The following MAML3 variants were observed in gnomAD, a reference collection of about 807,000 sequenced individuals.
MAML3 encodes the protein mastermind like transcriptional coactivator 3.
MAML3 carries 27 observed loss-of-function variants against 101.9 expected under a neutral mutation model. The observed-to-expected ratio is 0.27, with a 90% CI of 0.20 to 0.37. The LOEUF (loss-of-function observed/expected upper bound fraction) is 0.37. Among genes scored for constraint, MAML3 ranks in the 10% least tolerant of loss-of-function variants. The pLI is 1.00. For synonymous variants in MAML3, 501 were observed against 555.9 expected, an observed-to-expected ratio of 0.90 and a Z score of 1.39; for missense variants, 1,316 against 1,444.9, an observed-to-expected ratio of 0.91 and a Z score of 1.45.
At chr4:139,921,584 G>A (rs1016645425) in intron 1 of MAML3, among the ~76,000 whole-genome samples, 2 of 152,110 alleles carry the variant, frequency 1.3e-5, no homozygotes, top group African/African-American at 4.8e-5. Flanking sequence ...AACATAATGA[G>A]ATATTAATGA....
intron 1 of MAML3, among the ~76,000 whole-genome samples, chr4:139,979,442 T>A (rs1432604161): frequency 6.6e-6 from 1 of 152,304 alleles, no homozygotes; most frequent in Non-Finnish European, 1.5e-5. Context: ...GCTCCTTCTA[T>A]ACTGTCCACA....
chr4:139,878,415 T>C (rs1452230535), intron 2 of MAML3, among the ~76,000 whole-genome samples: 1 of 152,206 alleles, frequency 6.6e-6, no homozygotes, highest in Non-Finnish European at 1.5e-5. Context: ...CTGGACACTC[T>C]AGGTTACACT....
intron 1 of MAML3, among the ~76,000 whole-genome samples, chr4:140,109,506 A>AG (rs1422916656): frequency 6.6e-6 from 1 of 152,172 alleles, no homozygotes; most frequent in Non-Finnish European, 1.5e-5. Context: ...CAGTAGATCA[A>AG]GGGGGAAGCA....
chr4:140,000,917 C>T (rs985466358), intron 1 of MAML3, among the ~76,000 whole-genome samples: 1 of 108,766 alleles, frequency 9.2e-6, no homozygotes, highest in African/African-American at 3.3e-5. Flanking sequence ...ATCCCAGCTA[C>T]TTGGGAAGGC....
intron 1 of MAML3, among the ~76,000 whole-genome samples, chr4:139,949,472 A>G (rs1198487124): frequency 6.6e-6 from 1 of 152,226 alleles, no homozygotes; most frequent in Non-Finnish European, 1.5e-5. Flanking sequence ...ATTAGATCAG[A>G]GATTATGCCA....
chr4:140,062,759 C>T (rs780499546), intron 1 of MAML3, among the ~76,000 whole-genome samples: 1 of 152,150 alleles, frequency 6.6e-6, no homozygotes, highest in Admixed American at 6.5e-5. Context: ...AAAAGCACCG[C>T]TATGAGGAAA....
intron 1 of MAML3, among the ~76,000 whole-genome samples, chr4:140,038,966 A>C (rs1391756633): frequency 6.6e-6 from 1 of 152,006 alleles, no homozygotes; most frequent in Non-Finnish European, 1.5e-5. Flanking sequence ...AAAAATACAA[A>C]AAATTAGCCA....
intron 1 of MAML3, among the ~76,000 whole-genome samples, chr4:140,067,198 GGGGT>G (rs1727553244): frequency 9.4e-6 from 1 of 106,072 alleles, no homozygotes; most frequent in Non-Finnish European, 2.2e-5. Context: ...ACAAATTTTA[GGGGT>G]GTGTGTGTGT....
intron 2 of MAML3, chr4:139,740,680 A>G (rs769760491): frequency 6.6e-6 from 1 of 152,196 alleles, no homozygotes; most frequent in South Asian, 2.1e-4. Flanking sequence ...AGACAGGCCA[A>G]TGTTTCCATT....
intron 1 of MAML3, among the ~76,000 whole-genome samples, chr4:140,093,005 T>C (rs986005364): frequency 6.6e-6 from 1 of 152,188 alleles, no homozygotes; most frequent in African/African-American, 2.4e-5. Context: ...ACTGTATTAT[T>C]GTGAAATCCA....
chr4:139,903,451 C>A (rs1306336060), intron 1 of MAML3, among the ~76,000 whole-genome samples: 1 of 152,214 alleles, frequency 6.6e-6, no homozygotes, highest in African/African-American at 2.4e-5. Flanking sequence ...TAATAACCTT[C>A]TGGACGGCAA....
At chr4:139,829,947 G>A (rs573471186) in intron 2 of MAML3, among the ~76,000 whole-genome samples, 1 of 152,302 alleles carries the variant, frequency 6.6e-6, no homozygotes, top group East Asian at 1.9e-4. Context: ...TCATGTTAAC[G>A]TAACGAATAA....
At chr4:139,805,670 G>A (rs1730687067) in intron 2 of MAML3, among the ~76,000 whole-genome samples, 1 of 152,150 alleles carries the variant, frequency 6.6e-6, no homozygotes, top group East Asian at 1.9e-4. Context: ...ACTCTTCCCA[G>A]ACCATTCTAT....
chr4:139,805,790 A>T (rs574682672), intron 2 of MAML3, among the ~76,000 whole-genome samples: 1 of 152,192 alleles, frequency 6.6e-6, no homozygotes, highest in Non-Finnish European at 1.5e-5. Context: ...TAAGGAAGCT[A>T]AAGAAGGCAA....
At chr4:140,151,959 G>A (rs935233801) in intron 1 of MAML3, among the ~76,000 whole-genome samples, 4 of 152,210 alleles carry the variant, frequency 2.6e-5, no homozygotes, top group African/African-American at 9.7e-5. Flanking sequence ...GGCGGGCAGC[G>A]GGGCAGGGGG....
At chr4:139,922,529 G>A (rs1236807804) in intron 1 of MAML3, among the ~76,000 whole-genome samples, 2 of 152,074 alleles carry the variant, frequency 1.3e-5, no homozygotes, top group African/African-American at 4.8e-5. Flanking sequence ...GAAAAATCAG[G>A]GGAATTAGAC....
chr4:139,869,235 C>T (rs1409839113), intron 2 of MAML3, among the ~76,000 whole-genome samples: 2 of 152,146 alleles, frequency 1.3e-5, no homozygotes, highest in African/African-American at 2.4e-5. Context: ...AAAAGAAAGG[C>T]TGAGTGCTGG....
At chr4:139,782,074 AG>A (rs1239911148) in intron 2 of MAML3, among the ~76,000 whole-genome samples, 1 of 152,224 alleles carries the variant, frequency 6.6e-6, no homozygotes, top group Non-Finnish European at 1.5e-5. Context: ...TAATAAATCT[AG>A]ATTTATATGC....
intron 2 of MAML3, among the ~76,000 whole-genome samples, chr4:139,818,099 A>G (rs1730920358): frequency 6.6e-6 from 1 of 152,184 alleles, no homozygotes; most frequent in South Asian, 2.1e-4. Context: ...CTGATCATTT[A>G]CAATTCTAAC....
Sources: gnomAD v4.1 joint callset for allele counts (sites outside exome capture counted in the v4.1 genomes callset) on GRCh38, gnomAD v4.1.1 for gene constraint, MANE v1.5 for transcripts, NCBI Gene and HGNC (gene_info 2026-07-23, HGNC 2026-07-21) for gene names.